GANC: variants seen among roughly 807,000 people sequenced by gnomAD.
The protein encoded by GANC is neutral alpha-glucosidase C.
GANC carries 117 observed loss-of-function variants against 124.2 expected under a neutral mutation model. The ratio of observed to expected loss-of-function variants is 0.94; its 90% CI spans 0.81 to 1.10. The LOEUF is 1.10. Among genes scored for constraint, GANC ranks in the 50% least tolerant of loss-of-function variants. The pLI is 0.00. For missense variants in GANC, 1,140 were observed against 1,095.0 expected, an observed-to-expected ratio of 1.04 and a Z score of -0.58; for synonymous variants, 377 against 376.8, an observed-to-expected ratio of 1.00 and a Z score of -0.01.
chr15:42,275,826 C>T lies in GANC; in HGVS notation c.30-522C>T, dbSNP rs142952015. 5.1e-3 allele frequency among the ~76,000 whole-genome samples: 781 copies of T among 152,260 alleles called. 4 individuals carry two copies. Among genetic ancestry groups the T allele is most frequent in the African/African-American group, 0.018 (753 of 41,544 alleles). On this transcript the variant is annotated intron_variant, in intron 1 of 23. Coordinates refer to ENST00000318010, the MANE Select transcript of GANC (RefSeq NM_198141.3). The stretch of plus-strand genomic sequence containing the variant: ...CTTGCACCTCTATTAAAGCATTTGT[C>T]AGCTTGTATTGTGATTGCTGGTAAA...
chr15:42,341,206 C>A lies in GANC; in HGVS notation c.2152+452C>A, dbSNP rs545889597. Among the ~76,000 whole-genome samples, 7 of 152,068 alleles carry A rather than the reference C, an allele frequency of 4.6e-5. No homozygotes were observed. In the East Asian group the frequency reaches 1.3e-3, roughly 29 times the overall value. On this transcript the variant is annotated intron_variant, in intron 18 of 23. Transcript: ENST00000318010. ...ATAGGAAATTCCTTCACCAAGATTT[C>A]TAATGCATTATTAGTAGGATCATAC...
chr15:42,344,697 AG>A (rs935719538), intron 19 of GANC: 9 of 152,300 alleles, frequency 5.9e-5, no homozygotes, highest in African/African-American at 1.9e-4. Context: ...TCTGAAGATG[AG>A]GGCTCTTTAC....
intron 3 of GANC, 53 bp downstream of exon 3, chr15:42,278,643 C>T: frequency 7.7e-7 from 1 of 1,293,274 alleles, no homozygotes; most frequent in Admixed American, 1.9e-5. Flanking sequence ...ATTTATTGGG[C>T]CTGAATGAAG....
rs577572273 is a variant in GANC, at chr15:42,350,510, A to C, written c.2532-819A>C. Among the ~76,000 whole-genome samples the C allele has an allele frequency of 4.1e-5, 6 of 147,934 alleles. No individual in the cohort carries two copies. In the East Asian group the frequency reaches 1.2e-3, roughly 29 times the overall value. ...CAAATAACTTGTTAAAAAGAGCCTG[A>C]TTTGGCCACCAGTTAGCTGTTCCTT... On this transcript the variant is annotated intron_variant, in intron 22 of 23. Transcript: ENST00000318010.
At chr15:42,283,233 A>G (rs1251494488) in intron 3 of GANC, among the ~76,000 whole-genome samples, 1 of 152,202 alleles carries the variant, frequency 6.6e-6, no homozygotes, top group Non-Finnish European at 1.5e-5. Context: ...TCAGATGCAT[A>G]AGTTTTCTCA....
At chr15:42,283,977 C>G in intron 3 of GANC, 1 of 702,550 alleles carries the variant, frequency 1.4e-6, no homozygotes, top group Non-Finnish European at 2.6e-6. Context: ...GTAGAAGGGA[C>G]AATTAGTGTC....
chr15:42,281,702 G>T (rs2051736067), intron 3 of GANC, among the ~76,000 whole-genome samples: 1 of 151,954 alleles, frequency 6.6e-6, no homozygotes, highest in African/African-American at 2.4e-5. Context: ...CCTAAAACAT[G>T]ACAAAGACAG....
intron 10 of GANC, chr15:42,314,009 C>T (rs1218331967): frequency 1.3e-5 from 9 of 679,724 alleles, no homozygotes; most frequent in Non-Finnish European, 2.4e-5. Context: ...GGAAAAAATA[C>T]AGCTGGATGC....
At chr15:42,300,614 A>T (rs1201107044) in intron 6 of GANC, among the ~76,000 whole-genome samples, 1 of 152,232 alleles carries the variant, frequency 6.6e-6, no homozygotes. Context: ...ACCCAAAGGA[A>T]TATAAATCAT....
At chr15:42,294,920 A>G (rs766169753) in intron 5 of GANC, among the ~76,000 whole-genome samples, 3 of 150,684 alleles carry the variant, frequency 2.0e-5, no homozygotes, top group Non-Finnish European at 4.4e-5. Flanking sequence ...GTATATTTAT[A>G]GTATAGAGTC....
At position 42,273,668 on chromosome 15, in the gene GANC, C is replaced by T; in HGVS notation, c.-814C>T. 1 of 483,738 alleles carries T rather than the reference C, an allele frequency of 2.1e-6. No homozygotes were observed. The highest frequency in any genetic ancestry group is 3.7e-6 in the Non-Finnish European group (1 of 269,804). The allele number at this position is 483,738 out of a possible 1,614,324, so 30.0% of individuals were successfully genotyped here. A position where few individuals can be genotyped will look rare whatever the true frequency, so the allele number is the denominator to read the frequency against. On this transcript the variant is annotated 5_prime_UTR_variant, in exon 1 of 24. Transcript: ENST00000318010. Reference sequence around the variant, plus strand: ...AGCCTGGCCTGAGTCTTTTCTGTCTCCCAGCCGTTAAAGGTTTTAGGACCA... The same window carrying T: ...AGCCTGGCCTGAGTCTTTTCTGTCTTCCAGCCGTTAAAGGTTTTAGGACCA...
At position 42,281,074 on chromosome 15, in the gene GANC, G is replaced by A. The variant is rs571874657; in HGVS notation, c.201+2484G>A. 3.5e-4 allele frequency: 243 copies of A among 702,608 alleles called. 3 individuals carry two copies. The South Asian group carries it at 3.5e-3, about 10-fold the overall frequency. The allele number at this position is 702,608 out of a possible 1,614,324, so 43.5% of individuals were successfully genotyped here. A position where few individuals can be genotyped will look rare whatever the true frequency, so the allele number is the denominator to read the frequency against. ...CAAGGACAAATTACCTGGGACATCA[G>A]CAACGTAGCTCCCAAGACTGAGAAC... On this transcript the variant is annotated intron_variant, in intron 3 of 23. Transcript: ENST00000318010.
At chr15:42,337,702 G>A (rs990443012) in intron 15 of GANC, among the ~76,000 whole-genome samples, 6 of 152,160 alleles carry the variant, frequency 3.9e-5, no homozygotes, top group Admixed American at 2.0e-4. Context: ...ACCTGTGCAT[G>A]TACCCCTGAA....
At chr15:42,295,771 A>G in intron 5 of GANC, among the ~76,000 whole-genome samples, 1 of 152,094 alleles carries the variant, frequency 6.6e-6, no homozygotes. Flanking sequence ...CCATCCTAAC[A>G]ATGACTAAAA....
chr15:42,321,707 G>T, intron 10 of GANC, 78 bp from the exon 11 acceptor site: 1 of 1,197,824 alleles, frequency 8.3e-7, no homozygotes, highest in South Asian at 1.3e-5. Context: ...ATACTCTGTA[G>T]ACATTCAGGA....
At chr15:42,348,908 GA>G (rs927291821) in intron 21 of GANC, among the ~76,000 whole-genome samples, 3 of 151,938 alleles carry the variant, frequency 2.0e-5, no homozygotes, top group African/African-American at 7.3e-5. Context: ...TGAGGCCCCA[GA>G]ATAAATACAA....
In GANC at chr15:42,339,905, G is replaced by C; in HGVS notation, c.2080G>C (p.Val694Leu). 1 of 1,612,210 alleles carries C rather than the reference G, an allele frequency of 6.2e-7. No homozygotes were observed. Among genetic ancestry groups the C allele is most frequent in the African/African-American group, 1.3e-5 (1 of 74,934 alleles). ...CCATGCACACGTGGCTTCCCAACCT[G>C]TCATGAGGTAAAAAAGCTTCATCCA... is the stretch of plus-strand genomic sequence containing the variant. ...FYHAHVASQPVMRPLWVEFPD... is the reference protein window; with the variant it reads ...FYHAHVASQPLMRPLWVEFPD... The change falls in exon 17 of 24, where the codon GTC becomes CTC. Residue 694 changes from valine to leucine, a missense_variant. Transcript: ENST00000318010.
rs768951666 is a variant in GANC, at chr15:42,339,889, C to T, written c.2064C>T (p.His688=). The T allele has an allele frequency of 3.1e-5, 50 of 1,613,908 alleles. No homozygotes were observed. The highest frequency in any genetic ancestry group is 2.9e-4 in the South Asian group (26 of 91,076). ...GGTATTCTCTGTTCTACCATGCACA[C>T]GTGGCTTCCCAACCTGTCATGAGGT... The part of the protein sequence containing the change: ...PYWYSLFYHA[H]VASQPVMRPL... The change falls in exon 17 of 24, where the codon CAC becomes CAT. Residue 688 remains histidine, a synonymous_variant. Coordinates refer to ENST00000318010, the MANE Select transcript of GANC (RefSeq NM_198141.3).
chr15:42,337,781 GCTGGGCATGGTGGCT>G (rs1368045459), intron 15 of GANC, among the ~76,000 whole-genome samples: 6 of 152,160 alleles, frequency 3.9e-5, no homozygotes, highest in African/African-American at 1.4e-4. Flanking sequence ...ACATGAAGAG[GCTGGGCATGGTGGCT>G]CACGCCTATA....
Sources: allele counts gnomAD v4.1 joint callset (sites outside exome capture counted in the v4.1 genomes callset), GRCh38; gene constraint gnomAD v4.1.1; transcripts MANE v1.5; gene names NCBI Gene and HGNC (gene_info 2026-07-23, HGNC 2026-07-21).